SBNO1: variants seen among roughly 807,000 people sequenced by gnomAD.
The protein encoded by SBNO1 is protein strawberry notch homolog 1.
A neutral mutation model predicts 173.6 loss-of-function variants in SBNO1; 23 were observed. The ratio of observed to expected loss-of-function variants is 0.13; its 90% CI spans 0.10 to 0.19. The LOEUF is 0.19. Among genes scored for constraint, SBNO1 ranks in the 10% least tolerant of loss-of-function variants. The pLI is 1.00. For synonymous variants in SBNO1, 632 were observed against 571.5 expected (o/e 1.11, Z -1.51); for missense variants, 1,238 against 1,671.2 (o/e 0.74, Z 4.52).
intron 1 of SBNO1, among the ~76,000 whole-genome samples, chr12:123,353,025 T>C (rs1210941713): frequency 6.6e-6 from 1 of 152,188 alleles, no homozygotes; most frequent in African/African-American, 2.4e-5. Context: ...CTCAAACTCC[T>C]GGGCTCAGGC....
chr12:123,325,772 C>T (rs1870540864), intron 14 of SBNO1, among the ~76,000 whole-genome samples, 173 bp from the exon 15 acceptor site: 1 of 100,328 alleles, frequency 1.0e-5, no homozygotes, highest in Non-Finnish European at 2.8e-5. Context: ...GGTTATTTGT[C>T]AAAAATTTAG....
chr12:123,310,525 CCCGA>C (rs1413474608), intron 25 of SBNO1, among the ~76,000 whole-genome samples: 2 of 151,356 alleles, frequency 1.3e-5, no homozygotes, highest in Admixed American at 6.6e-5. Flanking sequence ...AGCCACCGCG[CCCGA>C]CCAATTTTTT....
chr12:123,304,565 T>C lies in SBNO1; in HGVS notation c.3768+17A>G. On this transcript the variant is annotated intron_variant, in intron 29 of 31. Transcript: ENST00000602398. ...GTAAGTATTCCTATATAATATAATG[T>C]ACAAATGAAAAAATACCTTCTTATA... 1 of 1,490,666 alleles carries C rather than the reference T, an allele frequency of 6.7e-7. No individual in the cohort carries two copies. The highest frequency in any genetic ancestry group is 1.2e-5 in the South Asian group (1 of 86,640). The allele number at this position is 1,490,666 out of a possible 1,614,324, so 92.3% of individuals were successfully genotyped here.
chr12:123,358,264 G>GTT (rs1874693969), intron 1 of SBNO1, among the ~76,000 whole-genome samples: 1 of 152,216 alleles, frequency 6.6e-6, no homozygotes, highest in African/African-American at 2.4e-5. Context: ...GAGGTCAAGA[G>GTT]TGGAATTTCC....
intron 30 of SBNO1, 143 bp from the exon 31 acceptor site, chr12:123,298,314 T>G: frequency 1.3e-6 from 1 of 767,770 alleles, no homozygotes; most frequent in African/African-American, 1.8e-5. Flanking sequence ...TTGCCCAGAC[T>G]GGAGCGCAGT....
chr12:123,323,575 C>T (rs1042506513), intron 16 of SBNO1, 105 bp downstream of exon 16: 9 of 688,728 alleles, frequency 1.3e-5, no homozygotes, highest in African/African-American at 1.9e-5. Flanking sequence ...AGGATGGTCT[C>T]GATCTCCTGA....
At chr12:123,332,096 G>A (rs575183215) in intron 7 of SBNO1, among the ~76,000 whole-genome samples, 109 of 151,982 alleles carry the variant, frequency 7.2e-4, no homozygotes, top group South Asian at 1.2e-3. Context: ...TGATGCACCC[G>A]CCTTGGCCTC....
At chr12:123,364,674 G>A (rs556347384) in intron 1 of SBNO1, 27 bp downstream of exon 1, 9 of 981,224 alleles carry the variant, frequency 9.2e-6, no homozygotes, top group South Asian at 9.4e-5. Flanking sequence ...AGTGTGGAAG[G>A]AGAAAAGGGC....
chr12:123,338,173 A>G (rs1017015652), intron 5 of SBNO1, among the ~76,000 whole-genome samples: 2 of 152,322 alleles, frequency 1.3e-5, no homozygotes, highest in Non-Finnish European at 1.5e-5. Flanking sequence ...AGGTACTCCC[A>G]TTTTTCAAAA....
intron 14 of SBNO1, 51 bp downstream of exon 14, chr12:123,326,101 G>T: frequency 8.0e-7 from 1 of 1,256,902 alleles, no homozygotes; most frequent in Non-Finnish European, 1.0e-6. Context: ...CACCCACAAA[G>T]ACTAAACAAC....
At chr12:123,356,503 T>C (rs543261602) in intron 1 of SBNO1, among the ~76,000 whole-genome samples, 1 of 152,346 alleles carries the variant, frequency 6.6e-6, no homozygotes, top group Admixed American at 6.5e-5. Flanking sequence ...TGGCACGATC[T>C]CAGCTCACTG....
intron 16 of SBNO1, among the ~76,000 whole-genome samples, chr12:123,322,298 ATT>A (rs772287795): frequency 6.9e-6 from 1 of 145,028 alleles, no homozygotes; most frequent in Admixed American, 6.9e-5. Flanking sequence ...ATGACCAGAT[ATT>A]TTTTTTTTTT....
chr12:123,328,057 C>CT, intron 10 of SBNO1, 30 bp from the exon 11 acceptor site: 2 of 1,549,786 alleles, frequency 1.3e-6, no homozygotes, highest in Non-Finnish European at 1.8e-6. Flanking sequence ...GAATGTATCA[C>CT]ATTAGTATTA....
At chr12:123,297,546 T>C (rs977527166) in intron 31 of SBNO1, among the ~76,000 whole-genome samples, 1 of 151,876 alleles carries the variant, frequency 6.6e-6, no homozygotes, top group African/African-American at 2.4e-5. Context: ...TGGACACCTG[T>C]AGTTGAGCAC....
intron 30 of SBNO1, among the ~76,000 whole-genome samples, chr12:123,299,172 T>A (rs1010029147): frequency 6.6e-6 from 1 of 152,080 alleles, no homozygotes; most frequent in African/African-American, 2.4e-5. Context: ...ACTGAGACCA[T>A]CCTGGCTAAC....
At chr12:123,357,726 A>G (rs1874628414) in intron 1 of SBNO1, among the ~76,000 whole-genome samples, 1 of 152,154 alleles carries the variant, frequency 6.6e-6, no homozygotes, top group African/African-American at 2.4e-5. Flanking sequence ...CTGCACTCCA[A>G]CCTGGCGAAA....
chr12:123,330,827 C>G (rs893284447), intron 8 of SBNO1, among the ~76,000 whole-genome samples: 2 of 151,998 alleles, frequency 1.3e-5, no homozygotes, highest in African/African-American at 2.4e-5. Context: ...ACTCAAGAGG[C>G]TGAGGCAGAA....
intron 21 of SBNO1, 33 bp from the exon 22 acceptor site, chr12:123,315,693 TTG>T (rs1566030445): frequency 1.7e-6 from 2 of 1,176,976 alleles, no homozygotes; most frequent in African/African-American, 3.0e-5. Context: ...AGATCATTGA[TTG>T]TGTTCGCTGG....
intron 20 of SBNO1, among the ~76,000 whole-genome samples, chr12:123,319,246 T>A (rs2138960336): frequency 6.6e-6 from 1 of 152,240 alleles, no homozygotes; most frequent in South Asian, 2.1e-4. Flanking sequence ...ATTACAGGCG[T>A]GAGCCACCAC....
Sources: gnomAD v4.1 joint callset for allele counts (sites outside exome capture counted in the v4.1 genomes callset) on GRCh38, gnomAD v4.1.1 for gene constraint, MANE v1.5 for transcripts, NCBI Gene and HGNC (gene_info 2026-07-23, HGNC 2026-07-21) for gene names.